The following ART3 variants were observed in gnomAD, a reference collection of about 807,000 sequenced individuals.
The protein encoded by ART3 is ecto-ADP-ribosyltransferase 3.
In ART3, 49 loss-of-function variants were observed where a neutral mutation model predicts 48.5. That is an observed-to-expected ratio of 1.01 (90% CI 0.80 to 1.28). The LOEUF is 1.28. Ranked by LOEUF, ART3 falls within the 50% of genes most tolerant of loss-of-function variation. ART3 has a pLI of 0.00. For missense variants in ART3, 438 were observed against 454.3 expected (o/e 0.96, Z 0.33); for synonymous variants, 145 against 157.2 (o/e 0.92, Z 0.58).
chr4:76,078,022 T>TA (rs1369423787), intron 2 of ART3, among the ~76,000 whole-genome samples: 1 of 152,208 alleles, frequency 6.6e-6, no homozygotes, highest in Non-Finnish European at 1.5e-5. Flanking sequence ...CCTTGACCTT[T>TA]AGGTCATTTC....
At chr4:76,019,598 C>T (rs1023456836) in intron 1 of ART3, among the ~76,000 whole-genome samples, 2 of 105,468 alleles carry the variant, frequency 1.9e-5, no homozygotes, top group Admixed American at 1.0e-4. Flanking sequence ...GGACTACAGG[C>T]GCCCGCCACT....
intron 1 of ART3, among the ~76,000 whole-genome samples, chr4:76,046,654 C>T (rs1735525287): frequency 6.6e-6 from 1 of 151,968 alleles, no homozygotes. Context: ...TGATTCCCTC[C>T]TCAAGTAGGG....
chr4:76,041,462 C>T (rs1734967734), intron 1 of ART3: 1 of 152,060 alleles, frequency 6.6e-6, no homozygotes, highest in Non-Finnish European at 1.5e-5. Context: ...GACCTTTATA[C>T]TTTGTAGAAC....
intron 1 of ART3, chr4:76,021,251 A>ATATC (rs1191113871): frequency 1.3e-5 from 2 of 152,262 alleles, no homozygotes; most frequent in East Asian, 3.8e-4. Context: ...TGCAGAGCAT[A>ATATC]TATCTATCTG....
chr4:76,064,250 A>G (rs1021562865), intron 1 of ART3, among the ~76,000 whole-genome samples: 2 of 152,186 alleles, frequency 1.3e-5, no homozygotes, highest in Non-Finnish European at 2.9e-5. Flanking sequence ...ACTTTTCCCA[A>G]CAACCACCAT....
chr4:76,098,733 C>G (rs941204842), intron 4 of ART3, among the ~76,000 whole-genome samples: 1 of 152,140 alleles, frequency 6.6e-6, no homozygotes, highest in Admixed American at 6.5e-5. Context: ...GCACTCCAGC[C>G]TGGGCGACAA....
intron 1 of ART3, among the ~76,000 whole-genome samples, chr4:76,067,810 G>A (rs1288284878): frequency 6.6e-6 from 1 of 152,096 alleles, no homozygotes; most frequent in Non-Finnish European, 1.5e-5. Flanking sequence ...AAGAGCAGTG[G>A]CCTGCCATTG....
chr4:76,082,644 C>A, intron 3 of ART3, 109 bp downstream of exon 3: 1 of 842,512 alleles, frequency 1.2e-6, no homozygotes, highest in South Asian at 2.2e-5. Context: ...GGTGAAATGA[C>A]ATTCCGTCTA....
chr4:76,035,959 A>G (rs775837584), intron 1 of ART3: 2 of 1,613,992 alleles, frequency 1.2e-6, no homozygotes, highest in Non-Finnish European at 1.7e-6. Flanking sequence ...TATCACAGCC[A>G]AGGCTATAGC....
intron 3 of ART3, among the ~76,000 whole-genome samples, chr4:76,097,430 C>T (rs1726260692): frequency 6.6e-6 from 1 of 152,008 alleles, no homozygotes; most frequent in African/African-American, 2.4e-5. Context: ...TGGTCTTGAA[C>T]TCCTGGGCTG....
chr4:76,098,983 C>A lies in ART3; in HGVS notation c.843C>A (p.Asn281Lys). 1 of 1,608,664 alleles carries A rather than the reference C, an allele frequency of 6.2e-7. No homozygotes were observed. The highest frequency in any genetic ancestry group is 8.5e-7 in the Non-Finnish European group (1 of 1,175,206). ...ATTTTCAACCCATCTATGTCTACAA[C>A]CCTGGTGAGTATGTTCTAATTTTTA... ...LEYFQPIYVYNPGEKNQKLED... is the reference protein window; with the variant it reads ...LEYFQPIYVYKPGEKNQKLED... Residue 281 changes from asparagine (N) to lysine (K), a missense_variant, in exon 5 of 12, where the codon AAC becomes AAA. This residue lies in a region of ART3 where 227 missense variants were observed against 229.6 expected (regional missense o/e 0.99). Transcript: ENST00000355810.
intron 1 of ART3, chr4:76,035,402 T>C: frequency 1.3e-6 from 2 of 1,569,046 alleles, no homozygotes; most frequent in South Asian, 2.3e-5. Flanking sequence ...GGCTGTGGTT[T>C]ATAGCTGGTG....
chr4:76,025,436 A>G (rs56316945), intron 1 of ART3, among the ~76,000 whole-genome samples: 9,011 of 152,322 alleles, frequency 0.059, 380 homozygotes, highest in Admixed American at 0.13. Flanking sequence ...AAATGGACTA[A>G]AAATCTGTTA....
Position 76,100,279 on chromosome 4 carries a change from TC to T in ART3, c.848-11del. On this transcript the variant is annotated splice_polypyrimidine_tract_variant and intron_variant, in intron 5 of 11. Coordinates refer to ENST00000355810, the MANE Select transcript of ART3 (RefSeq NM_001130016.3). ...ATTGTTAAAACTGATGAACTTCTTT[TC>T]TGTGACTCAGGTGAGAAAAACCAGA... 1 of 1,611,648 alleles carries T rather than the reference TC, an allele frequency of 6.2e-7. No homozygotes were observed. The highest frequency in any genetic ancestry group is 8.5e-7 in the Non-Finnish European group (1 of 1,178,484).
chr4:76,037,484 T>C (rs1036459844), intron 1 of ART3, among the ~76,000 whole-genome samples: 1 of 152,144 alleles, frequency 6.6e-6, no homozygotes, highest in Non-Finnish European at 1.5e-5. Flanking sequence ...TTGTTTTTTT[T>C]AATGAGATGG....
At chr4:76,051,681 G>A (rs1198714691) in intron 1 of ART3, among the ~76,000 whole-genome samples, 5 of 151,692 alleles carry the variant, frequency 3.3e-5, no homozygotes, top group Admixed American at 2.6e-4. Flanking sequence ...CTGGGACTAT[G>A]GGCACACACG....
At chr4:76,097,290 A>C (rs1230912547) in intron 3 of ART3, among the ~76,000 whole-genome samples, 1 of 152,000 alleles carries the variant, frequency 6.6e-6, no homozygotes, top group Non-Finnish European at 1.5e-5. Context: ...CTGCAGCTTC[A>C]ACCTCCTGGG....
At chr4:76,082,944 G>A (rs1204768743) in intron 3 of ART3, among the ~76,000 whole-genome samples, 1 of 136,996 alleles carries the variant, frequency 7.3e-6, no homozygotes, top group Non-Finnish European at 1.6e-5. Context: ...TGTTGGTAGT[G>A]CTGATGTTGA....
At chr4:76,046,915 C>T (rs10025302) in intron 1 of ART3, among the ~76,000 whole-genome samples, 88,621 of 151,618 alleles carry the variant, frequency 0.58, 27,021 homozygotes, top group East Asian at 0.94. Context: ...CTGAGAAGGC[C>T]GCGCCAGTGT....
Sources: allele counts gnomAD v4.1 joint callset (sites outside exome capture counted in the v4.1 genomes callset), GRCh38; gene constraint gnomAD v4.1.1; regional missense constraint gnomAD v4.1.1; transcripts MANE v1.5; gene names NCBI Gene and HGNC (gene_info 2026-07-23, HGNC 2026-07-21).